The following LINGO1 variants were observed in gnomAD, a reference collection of about 807,000 sequenced individuals.
The protein encoded by LINGO1 is leucine rich repeat and Ig domain containing 1, also known as leucine-rich repeat and immunoglobulin-like domain-containing nogo receptor-interacting protein 1.
LINGO1 carries 11 observed loss-of-function variants against 37.3 expected under a neutral mutation model. The ratio of observed to expected loss-of-function variants is 0.29; its 90% CI spans 0.19 to 0.49. The LOEUF is 0.49. Ranked by LOEUF, LINGO1 falls within the 20% of genes least tolerant of loss-of-function variation. LINGO1 has a pLI of 0.99. For synonymous variants in LINGO1, 387 were observed against 403.0 expected, an observed-to-expected ratio of 0.96 and a Z score of 0.48; for missense variants, 585 against 878.2, an observed-to-expected ratio of 0.67 and a Z score of 4.22.
Position 77,659,464 on chromosome 15 carries a change from C to T in LINGO1, c.-13+17625G>A, listed in dbSNP as rs115367069. 2.4e-3 allele frequency among the ~76,000 whole-genome samples: 362 copies of T among 152,286 alleles called. 1 individual carries two copies. Among genetic ancestry groups the T allele is most frequent in the African/African-American group, 8.2e-3 (339 of 41,552 alleles). On this transcript the variant is annotated intron_variant, in intron 3 of 3. Transcript: ENST00000559893. ...ATCACAATGGACACTCTTTCGGTTC[C>T]CACTTTGTCACAGTGGATCCTTAAG... is the stretch of plus-strand genomic sequence containing the variant.
intron 3 of LINGO1, among the ~76,000 whole-genome samples, chr15:77,665,312 A>C (rs2075106147): frequency 6.6e-6 from 1 of 152,164 alleles, no homozygotes; most frequent in Non-Finnish European, 1.5e-5. Flanking sequence ...CATGCTTGGC[A>C]GATACCACGC....
At chr15:77,709,342 A>G (rs2075890717) in intron 2 of LINGO1, among the ~76,000 whole-genome samples, 1 of 152,214 alleles carries the variant, frequency 6.6e-6, no homozygotes, top group Non-Finnish European at 1.5e-5. Context: ...AGGCAGGTTC[A>G]GTTAGTCTTC....
intron 1 of LINGO1, among the ~76,000 whole-genome samples, chr15:77,818,611 A>C (rs2077067889): frequency 6.6e-6 from 1 of 152,112 alleles, no homozygotes; most frequent in African/African-American, 2.4e-5. Flanking sequence ...GAGGAGCAGA[A>C]GGCGCGGGGA....
intron 1 of LINGO1, among the ~76,000 whole-genome samples, chr15:77,807,130 C>T (rs542926991): frequency 5.9e-5 from 9 of 152,354 alleles, no homozygotes; most frequent in Middle Eastern, 3.4e-3. Flanking sequence ...CCATCTCCTA[C>T]CCCTTCTTCA....
chr15:77,689,151 G>A (rs1200625822), intron 2 of LINGO1, among the ~76,000 whole-genome samples: 1 of 152,174 alleles, frequency 6.6e-6, no homozygotes, highest in Admixed American at 6.5e-5. Flanking sequence ...TGAGAGAAGA[G>A]GAATCACTAG....
At chr15:77,647,124 G>A (rs1445758769) in intron 3 of LINGO1, among the ~76,000 whole-genome samples, 6 of 152,104 alleles carry the variant, frequency 3.9e-5, no homozygotes, top group Admixed American at 1.3e-4. Flanking sequence ...GGAGCTCTTT[G>A]GTCCACTTGC....
At chr15:77,734,873 G>A (rs912943020) in intron 2 of LINGO1, 3 of 152,362 alleles carry the variant, frequency 2.0e-5, no homozygotes, top group African/African-American at 7.2e-5. Flanking sequence ...CTGGGGAAGG[G>A]AAAGGGGGGT....
chr15:77,670,346 C>T (rs548455725), intron 3 of LINGO1, among the ~76,000 whole-genome samples: 1 of 152,332 alleles, frequency 6.6e-6, no homozygotes, highest in South Asian at 2.1e-4. Flanking sequence ...ACTTTTATGG[C>T]ATGTGGATTA....
chr15:77,636,498 A>C (rs1045172294), upstream of LINGO1, among the ~76,000 whole-genome samples: 3 of 152,254 alleles, frequency 2.0e-5, no homozygotes, highest in African/African-American at 7.2e-5. Context: ...GGCATTGGGC[A>C]TGGAGCAGGG....
chr15:77,619,262 T>C (rs144774675), intron 1 of LINGO1, among the ~76,000 whole-genome samples: 3 of 152,158 alleles, frequency 2.0e-5, no homozygotes, highest in Admixed American at 6.5e-5. Flanking sequence ...CCCCCGTGAA[T>C]GTTCTTTGAA....
At chr15:77,629,590 C>T (rs2074193569) in intron 1 of LINGO1, among the ~76,000 whole-genome samples, 1 of 152,182 alleles carries the variant, frequency 6.6e-6, no homozygotes, top group Non-Finnish European at 1.5e-5. Context: ...TCTTCTCAAC[C>T]CCTGCCTGGG....
At chr15:77,626,897 G>A (rs2074106093) in intron 1 of LINGO1, among the ~76,000 whole-genome samples, 1 of 152,174 alleles carries the variant, frequency 6.6e-6, no homozygotes, top group Non-Finnish European at 1.5e-5. Flanking sequence ...GCCCCTCTCA[G>A]CTCTGAGATG....
chr15:77,805,110 T>C (rs905801075), intron 1 of LINGO1, among the ~76,000 whole-genome samples: 1 of 152,220 alleles, frequency 6.6e-6, no homozygotes. Context: ...TGGGCACCAA[T>C]GCACCTTGTC....
chr15:77,806,489 G>A (rs907849286), intron 1 of LINGO1, among the ~76,000 whole-genome samples: 1 of 152,118 alleles, frequency 6.6e-6, no homozygotes, highest in African/African-American at 2.4e-5. Flanking sequence ...AGGTCCCTGG[G>A]GCGAGCTTGA....
intron 1 of LINGO1, among the ~76,000 whole-genome samples, chr15:77,750,426 G>A (rs891928965): frequency 6.6e-6 from 1 of 152,176 alleles, no homozygotes; most frequent in African/African-American, 2.4e-5. Context: ...GCCCACACGC[G>A]TGCACACACG....
intron 1 of LINGO1, among the ~76,000 whole-genome samples, chr15:77,618,105 G>A (rs1595984427): frequency 6.6e-6 from 1 of 152,352 alleles, no homozygotes; most frequent in Middle Eastern, 3.4e-3. Flanking sequence ...GCGCGGGTGT[G>A]AGGCTGGGGA....
At chr15:77,764,712 T>C (rs2076510529) in intron 1 of LINGO1, among the ~76,000 whole-genome samples, 1 of 152,192 alleles carries the variant, frequency 6.6e-6, no homozygotes, top group Non-Finnish European at 1.5e-5. Context: ...CATACGTTGC[T>C]GTTGGCCATG....
intron 1 of LINGO1, among the ~76,000 whole-genome samples, chr15:77,624,087 CTG>C (rs1440377964): frequency 8.0e-6 from 1 of 124,730 alleles, no homozygotes; most frequent in Non-Finnish European, 1.7e-5. Flanking sequence ...CTGTGTGTGT[CTG>C]TGAGTGATGT....
rs115704522 is a variant in LINGO1, at chr15:77,681,288, T to C, written c.-98-4114A>G. On this transcript the variant is annotated intron_variant, in intron 2 of 3. Coordinates refer to the LINGO1 transcript ENST00000559893. The stretch of plus-strand genomic sequence containing the variant: ...TGGGTGCAGGCTGAGGTTTTCATCC[T>C]GCTTGAACACCTTTTGCATCCACCA... Among the ~76,000 whole-genome samples, 361 of 152,266 alleles carry C rather than the reference T, an allele frequency of 2.4e-3. 4 individuals carry two copies. The highest frequency in any genetic ancestry group is 8.3e-3 in the African/African-American group (346 of 41,554).
Sources: gnomAD v4.1 joint callset for allele counts (sites outside exome capture counted in the v4.1 genomes callset) on GRCh38, gnomAD v4.1.1 for gene constraint, MANE v1.5 for transcripts, NCBI Gene and HGNC (gene_info 2026-07-23, HGNC 2026-07-21) for gene names.